SAMSN1: variants seen among roughly 807,000 people sequenced by gnomAD.
SAMSN1 encodes the protein SAM domain, SH3 domain and nuclear localization signals 1.
SAMSN1 carries 31 observed loss-of-function variants against 42.0 expected under a neutral mutation model. The ratio of observed to expected loss-of-function variants is 0.74; its 90% CI spans 0.55 to 1.00. The LOEUF (loss-of-function observed/expected upper bound fraction) is 1.00. Ranked by LOEUF, SAMSN1 falls within the 50% of genes least tolerant of loss-of-function variation. The probability of loss-of-function intolerance (pLI) is 0.00; values close to 1 mark genes in which losing one functional copy is unlikely to be tolerated. For synonymous variants in SAMSN1, 178 were observed against 151.9 expected (o/e 1.17, Z -1.26); for missense variants, 464 against 439.4 (o/e 1.06, Z -0.50).
At chr21:14,599,076 C>T (rs1182900771) in intron 6 of SAMSN1, among the ~76,000 whole-genome samples, 3 of 152,170 alleles carry the variant, frequency 2.0e-5, no homozygotes, top group Admixed American at 6.6e-5. Flanking sequence ...GATATCCCAT[C>T]TGTGAACAAA....
At chr21:14,506,545 G>A (rs1024024906) in intron 5 of SAMSN1, among the ~76,000 whole-genome samples, 7 of 152,012 alleles carry the variant, frequency 4.6e-5, no homozygotes, top group Non-Finnish European at 1.0e-4. Flanking sequence ...TATTGAAATG[G>A]TAATTTTAAA....
At chr21:14,559,877 T>C (rs1375630350) in intron 2 of SAMSN1, among the ~76,000 whole-genome samples, 1 of 152,140 alleles carries the variant, frequency 6.6e-6, no homozygotes, top group African/African-American at 2.4e-5. Flanking sequence ...CATAATATAT[T>C]GTTTCTGGGC....
At chr21:14,547,073 A>G (rs1980433732), upstream of SAMSN1, among the ~76,000 whole-genome samples, 1 of 152,238 alleles carries the variant, frequency 6.6e-6, no homozygotes, top group African/African-American at 2.4e-5. Flanking sequence ...CTTAAACAAT[A>G]CTAATCCTAC....
At chr21:14,596,546 A>C (rs1982268164) in intron 6 of SAMSN1, among the ~76,000 whole-genome samples, 1 of 152,132 alleles carries the variant, frequency 6.6e-6, no homozygotes, top group Admixed American at 6.6e-5. Context: ...AATAAAATGG[A>C]AGTGATGATG....
At chr21:14,549,606 A>G (rs1331137057), upstream of SAMSN1, among the ~76,000 whole-genome samples, 2 of 152,152 alleles carry the variant, frequency 1.3e-5, no homozygotes, top group African/African-American at 2.4e-5. Flanking sequence ...AGAGAGACCA[A>G]TTTCAAGAAT....
upstream of SAMSN1, chr21:14,546,381 A>T: frequency 6.8e-7 from 1 of 1,472,746 alleles, no homozygotes; most frequent in Non-Finnish European, 9.0e-7. Flanking sequence ...GGGACCTGCC[A>T]CTTCCTCCTT....
At chr21:14,588,887 T>C (rs1982001474) in intron 7 of SAMSN1, among the ~76,000 whole-genome samples, 1 of 152,208 alleles carries the variant, frequency 6.6e-6, no homozygotes, top group South Asian at 2.1e-4. Flanking sequence ...GTCTTTGTAA[T>C]TTAGAGTCTT....
intron 1 of SAMSN1, among the ~76,000 whole-genome samples, chr21:14,652,056 A>T (rs1055358476): frequency 1.3e-5 from 2 of 150,334 alleles, no homozygotes; most frequent in African/African-American, 4.9e-5. Context: ...TCACAGATTT[A>T]TTGAAAAATA....
intron 7 of SAMSN1, among the ~76,000 whole-genome samples, chr21:14,488,943 T>G (rs1281659774): frequency 1.3e-5 from 2 of 152,198 alleles, no homozygotes; most frequent in Non-Finnish European, 1.5e-5. Context: ...AGATGAAAGC[T>G]ATATCGCATT....
Position 14,491,995 on chromosome 21 carries a change from T to C in SAMSN1, c.920-5881A>G, listed in dbSNP as rs8132024. 7.9e-3 allele frequency among the ~76,000 whole-genome samples: 1,208 copies of C among 152,266 alleles called. 19 individuals carry two copies. The highest frequency in any genetic ancestry group is 0.028 in the African/African-American group (1,157 of 41,540). On this transcript the variant is annotated intron_variant, in intron 7 of 7. Transcript: ENST00000400566. ...TCAGTAAACAGCACGCTATATCATT[T>C]TTTTAACATAACACCTTCAAAACTA... is the stretch of plus-strand genomic sequence containing the variant.
intron 2 of SAMSN1, among the ~76,000 whole-genome samples, chr21:14,555,727 G>C (rs1482087077): frequency 3.9e-5 from 6 of 152,166 alleles, no homozygotes; most frequent in Non-Finnish European, 8.8e-5. Context: ...AACAGTCGAA[G>C]CTCAAGTTTT....
intron 2 of SAMSN1, among the ~76,000 whole-genome samples, chr21:14,631,655 A>C (rs1983333470): frequency 6.6e-6 from 1 of 152,130 alleles, no homozygotes; most frequent in Non-Finnish European, 1.5e-5. Context: ...GTAAGCCACC[A>C]TGCCCCACCC....
chr21:14,538,150 G>A (rs1295593942), intron 1 of SAMSN1, among the ~76,000 whole-genome samples: 1 of 152,082 alleles, frequency 6.6e-6, no homozygotes, highest in African/African-American at 2.4e-5. Flanking sequence ...AGCGGACGGA[G>A]GTAATAACTA....
chr21:14,511,793 T>C lies in SAMSN1; in HGVS notation c.409+651A>G, dbSNP rs557879754. On this transcript the variant is annotated intron_variant, in intron 4 of 7. Coordinates refer to ENST00000400566, the MANE Select transcript of SAMSN1 (RefSeq NM_022136.5). ...AGTGATTTCCTTCTTAGAAAAAATA[T>C]TAATCTTCATTAGAAAATCCTTGTT... is the stretch of plus-strand genomic sequence containing the variant. 2.0e-5 allele frequency among the ~76,000 whole-genome samples: 3 copies of C among 152,362 alleles called. No individual in the cohort carries two copies. The South Asian group carries it at 6.2e-4, about 32-fold the overall frequency.
chr21:14,549,459 C>T (rs1254454517), upstream of SAMSN1, among the ~76,000 whole-genome samples: 1 of 152,056 alleles, frequency 6.6e-6, no homozygotes, highest in Non-Finnish European at 1.5e-5. Flanking sequence ...ACTTCTCTAA[C>T]ATGAAGAGTT....
chr21:14,562,141 G>A (rs1047477396), intron 2 of SAMSN1, among the ~76,000 whole-genome samples: 7 of 152,194 alleles, frequency 4.6e-5, no homozygotes, highest in African/African-American at 1.7e-4. Context: ...CATGGGGTGG[G>A]GAACAATTGA....
At chr21:14,524,904 T>C (rs1978739522) in intron 1 of SAMSN1, among the ~76,000 whole-genome samples, 1 of 152,102 alleles carries the variant, frequency 6.6e-6, no homozygotes, top group Admixed American at 6.5e-5. Context: ...TTCATAAGGA[T>C]ACTAAAAAGA....
chr21:14,500,071 T>C (rs1987082493), intron 6 of SAMSN1, among the ~76,000 whole-genome samples: 1 of 152,142 alleles, frequency 6.6e-6, no homozygotes, highest in Non-Finnish European at 1.5e-5. Flanking sequence ...ATGATCACCG[T>C]TTCCCTCAAA....
At chr21:14,609,229 G>C (rs902092874) in intron 5 of SAMSN1, among the ~76,000 whole-genome samples, 13 of 152,028 alleles carry the variant, frequency 8.6e-5, no homozygotes, top group Admixed American at 3.9e-4. Context: ...TGCTTCAGCA[G>C]GCAACTTAAC....
Sources: allele counts gnomAD v4.1 joint callset (sites outside exome capture counted in the v4.1 genomes callset), GRCh38; gene constraint gnomAD v4.1.1; transcripts MANE v1.5; gene names NCBI Gene and HGNC (gene_info 2026-07-23, HGNC 2026-07-21).